CD302: variants seen among roughly 807,000 people sequenced by gnomAD.
CD302 encodes the protein CD302 molecule.
Under a neutral mutation model 26.5 loss-of-function variants are expected in CD302, and 23 were observed. The observed-to-expected ratio is 0.87, with a 90% CI of 0.62 to 1.23. CD302 has a LOEUF of 1.23. CD302 is among the 50% of genes most tolerant of loss of function. The pLI is 0.00. For synonymous variants in CD302, 90 were observed against 99.4 expected (o/e 0.91, Z 0.56); for missense variants, 290 against 275.5 (o/e 1.05, Z -0.37).
chr2:159,796,167 C>T (rs1046070316), intron 1 of CD302, among the ~76,000 whole-genome samples: 1 of 152,186 alleles, frequency 6.6e-6, no homozygotes, highest in Non-Finnish European at 1.5e-5. Flanking sequence ...TATTATGCAA[C>T]ATCATAAGAG....
intron 1 of CD302, 90 bp from the exon 2 acceptor site, chr2:159,783,559 TCACA>T (rs955288126): frequency 3.2e-6 from 3 of 945,734 alleles, no homozygotes; most frequent in Admixed American, 3.1e-5. Context: ...TACTAAATTT[TCACA>T]CACACACAAA....
At chr2:159,776,012 C>CTTTTTTTTTTTTTTT (rs71406197) in intron 5 of CD302, among the ~76,000 whole-genome samples, 14,938 of 80,494 alleles carry the variant, frequency 0.19, 4,030 homozygotes, top group Non-Finnish European at 0.23. Flanking sequence ...CGGGTTTCAA[C>CTTTTTTTTTTTTTTT]TTTTTTTTTT....
chr2:159,777,408 C>T (rs1321545919), intron 5 of CD302, among the ~76,000 whole-genome samples: 4 of 152,132 alleles, frequency 2.6e-5, no homozygotes, highest in Non-Finnish European at 4.4e-5. Flanking sequence ...AACTTGGACG[C>T]ACTGCCAGTA....
intron 4 of CD302, among the ~76,000 whole-genome samples, chr2:159,779,088 G>A (rs987144333): frequency 1.3e-5 from 2 of 151,670 alleles, no homozygotes; most frequent in Non-Finnish European, 2.9e-5. Flanking sequence ...AAAATTAGCC[G>A]GGCATGGTGG....
In CD302 at chr2:159,782,169, G is replaced by T. The variant is rs965119001; in HGVS notation, c.179-1171C>A. Among the ~76,000 whole-genome samples, 7 of 152,054 alleles carry T rather than the reference G, an allele frequency of 4.6e-5. No individual in the cohort carries two copies. The South Asian group carries it at 1.2e-3, about 27-fold the overall frequency. ...TGTAATCTCAGCTACTCGGGAGGCT[G>T]AGGCAGGAGAATCACTTGATCCTGA... On this transcript the variant is annotated intron_variant, in intron 2 of 5. Transcript: ENST00000259053.
chr2:159,773,237 C>T (rs1708210112), intron 5 of CD302, among the ~76,000 whole-genome samples: 1 of 152,168 alleles, frequency 6.6e-6, no homozygotes, highest in South Asian at 2.1e-4. Flanking sequence ...TGGTCCGAAA[C>T]CCCTGGCTTC....
chr2:159,777,951 C>A lies in CD302; in HGVS notation c.483G>T (p.Arg161Ser). 1 of 999,516 alleles carries A rather than the reference C, an allele frequency of 1.0e-6. No homozygotes were observed. Among genetic ancestry groups the A allele is most frequent in the South Asian group, 1.5e-5 (1 of 65,200 alleles). The allele number at this position is 999,516 out of a possible 1,614,324, so 61.9% of individuals were successfully genotyped here. The part of the protein sequence containing the change: ...TLCKTAIPYK[R>S]KYLSDNHILI... Reference sequence around the variant, plus strand: ...ATCATTACTTACCTGATAAATATTTCCTTTTGTATGGGACTAAAATACAAA... The same window carrying A: ...ATCATTACTTACCTGATAAATATTTACTTTTGTATGGGACTAAAATACAAA... The change falls in exon 5 of 6, where the codon AGG becomes AGT. Residue 161 changes from arginine (R) to serine (S), a missense_variant. Arg to Ser is a moderately radical substitution (Grantham distance 110). Coordinates refer to ENST00000259053, the MANE Select transcript of CD302 (RefSeq NM_014880.5).
chr2:159,791,534 T>C (rs1680567216), intron 1 of CD302, among the ~76,000 whole-genome samples: 1 of 152,244 alleles, frequency 6.6e-6, no homozygotes, highest in Non-Finnish European at 1.5e-5. Context: ...GGCTATCTGA[T>C]ATGCATCCTG....
chr2:159,771,685 A>G lies in CD302; in HGVS notation c.*166T>C. On this transcript the variant is annotated 3_prime_UTR_variant, in exon 6 of 6. Transcript: ENST00000259053. Reference sequence around the variant, plus strand: ...ATCATTTCTAAAACCTGTTTTTTTAATGAACCTAAAGACTTTTCACAGCAG... The same window carrying G: ...ATCATTTCTAAAACCTGTTTTTTTAGTGAACCTAAAGACTTTTCACAGCAG... 1.3e-6 allele frequency: 1 copy of G among 776,796 alleles called. No individual in the cohort carries two copies. Among genetic ancestry groups the G allele is most frequent in the Admixed American group, 3.4e-5 (1 of 29,320 alleles). 48.1% of individuals were successfully genotyped at this position (776,796 alleles called of 1,614,324 possible).
chr2:159,791,553 A>T (rs1006791073), intron 1 of CD302, among the ~76,000 whole-genome samples: 6 of 152,176 alleles, frequency 3.9e-5, no homozygotes, highest in African/African-American at 1.4e-4. Context: ...TGTTTTCCCA[A>T]ATGATTGTTA....
intron 5 of CD302, among the ~76,000 whole-genome samples, chr2:159,777,479 A>G (rs1286271945): frequency 6.6e-6 from 1 of 152,236 alleles, no homozygotes; most frequent in East Asian, 1.9e-4. Context: ...CTAAATATAT[A>G]TACTTGCCCT....
At chr2:159,772,127 A>G in intron 5 of CD302, 74 bp from the exon 6 acceptor site, 2 of 1,489,458 alleles carry the variant, frequency 1.3e-6, no homozygotes, top group Non-Finnish European at 1.8e-6. Context: ...GATGAGCACA[A>G]CTGTAGTTTT....
At chr2:159,789,066 G>A (rs1708740258) in intron 1 of CD302, among the ~76,000 whole-genome samples, 1 of 151,888 alleles carries the variant, frequency 6.6e-6, no homozygotes. Context: ...CACCCAGGCT[G>A]GGGTACAATG....
At chr2:159,786,466 T>C (rs964247834) in intron 1 of CD302, among the ~76,000 whole-genome samples, 11 of 151,838 alleles carry the variant, frequency 7.2e-5, no homozygotes, top group African/African-American at 2.7e-4. Context: ...CCCCAATAGC[T>C]GGGATTACAG....
intron 5 of CD302, among the ~76,000 whole-genome samples, chr2:159,774,910 C>G (rs537076014): frequency 7.2e-5 from 11 of 152,202 alleles, no homozygotes; most frequent in Admixed American, 5.2e-4. Context: ...ACTCCATGTT[C>G]TCTACTGTTT....
In CD302 at chr2:159,795,645, GGGCAGCCATGCCAA is replaced by G. The variant is rs1708933422; in HGVS notation, c.67+2473_67+2486del. On this transcript the variant is annotated intron_variant, in intron 1 of 5. Transcript: ENST00000259053. Reference sequence around the variant, plus strand: ...ACAGAGATCTGAATGGTGGAGGTGGGGGCAGCCATGCCAAGGACTGGGGGAAGGTGGTGTGCACA... The same window carrying G: ...ACAGAGATCTGAATGGTGGAGGTGGGGGACTGGGGGAAGGTGGTGTGCACA... Among the ~76,000 whole-genome samples the G allele has an allele frequency of 2.0e-5, 3 of 152,326 alleles. No individual in the cohort carries two copies. The East Asian group carries it at 5.8e-4, about 29-fold the overall frequency.
chr2:159,785,847 C>T (rs935341979), intron 1 of CD302, among the ~76,000 whole-genome samples: 3 of 152,166 alleles, frequency 2.0e-5, no homozygotes, highest in African/African-American at 7.2e-5. Context: ...AACCACACAC[C>T]ATCCAATGGC....
chr2:159,780,424 G>C (rs1261974797), intron 3 of CD302, among the ~76,000 whole-genome samples: 1 of 151,866 alleles, frequency 6.6e-6, no homozygotes, highest in Non-Finnish European at 1.5e-5. Context: ...ATTCTCATGG[G>C]AAAAAAGTCA....
rs1371583529 is a variant in CD302 at position 159,770,563 on chromosome 2, G to T, written c.*1288C>A. The T allele has an allele frequency of 1.3e-5, 2 of 152,166 alleles. No individual in the cohort carries two copies. The highest frequency in any genetic ancestry group is 2.9e-5 in the Non-Finnish European group (2 of 68,028). 9.4% of individuals were successfully genotyped at this position (152,166 alleles called of 1,614,324 possible). ...AGATAATTGATGGGGTGTGGATTCA[G>T]AAGAGGGATTACTTTTCTTTGAGCC... is the stretch of plus-strand genomic sequence containing the variant. On this transcript the variant is annotated 3_prime_UTR_variant, in exon 6 of 6. Coordinates refer to ENST00000259053, the MANE Select transcript of CD302 (RefSeq NM_014880.5).
Sources: allele counts gnomAD v4.1 joint callset (sites outside exome capture counted in the v4.1 genomes callset), GRCh38; gene constraint gnomAD v4.1.1; transcripts MANE v1.5; gene names NCBI Gene and HGNC (gene_info 2026-07-23, HGNC 2026-07-21).